The following MIOS variants were observed in gnomAD, a reference collection of about 807,000 sequenced individuals.
The protein encoded by MIOS is meiosis regulator for oocyte development, also known as GATOR2 complex protein MIOS.
Under a neutral mutation model 96.9 loss-of-function variants are expected in MIOS, and 52 were observed. That is an observed-to-expected ratio of 0.54 (90% CI 0.43 to 0.68). MIOS has a LOEUF of 0.68. Ranked by LOEUF, MIOS falls within the 30% of genes least tolerant of loss-of-function variation. MIOS has a pLI of 0.00. For synonymous variants in MIOS, 397 were observed against 359.5 expected (o/e 1.10, Z -1.18); for missense variants, 1,005 against 1,052.8 (o/e 0.95, Z 0.63).
chr7:7,594,636 C>T (rs550792837), intron 9 of MIOS, among the ~76,000 whole-genome samples: 1 of 152,090 alleles, frequency 6.6e-6, no homozygotes, highest in Non-Finnish European at 1.5e-5. Flanking sequence ...GTTTGTGAAC[C>T]CAGAGGTTTT....
At chr7:7,599,811 G>C (rs528325239) in intron 11 of MIOS, among the ~76,000 whole-genome samples, 2 of 152,160 alleles carry the variant, frequency 1.3e-5, no homozygotes, top group African/African-American at 4.8e-5. Flanking sequence ...GCCCATCAGT[G>C]GTGGACTGGA....
intron 11 of MIOS, among the ~76,000 whole-genome samples, chr7:7,600,522 C>G (rs146647625): frequency 0.1 from 15,424 of 152,190 alleles, 859 homozygotes; most frequent in Middle Eastern, 0.23. Flanking sequence ...ACTAACTATC[C>G]TAAATATATA....
chr7:7,602,985 A>G (rs1784423459), intron 11 of MIOS, among the ~76,000 whole-genome samples: 1 of 151,976 alleles, frequency 6.6e-6, no homozygotes, highest in Non-Finnish European at 1.5e-5. Flanking sequence ...TTCCCTATTT[A>G]ATAAATGGTG....
intron 10 of MIOS, 70 bp downstream of exon 10, chr7:7,595,202 C>A: frequency 6.6e-7 from 1 of 1,507,378 alleles, no homozygotes; most frequent in Non-Finnish European, 8.9e-7. Flanking sequence ...TTACTATTAG[C>A]TCATTATTTT....
chr7:7,602,822 C>T (rs562028988), intron 11 of MIOS, among the ~76,000 whole-genome samples: 1,524 of 152,198 alleles, frequency 0.01, 19 homozygotes, highest in African/African-American at 0.036. Context: ...TCAAACTATA[C>T]TACAAGGCTA....
intron 5 of MIOS, among the ~76,000 whole-genome samples, chr7:7,581,255 C>G (rs1374775078): frequency 6.7e-6 from 1 of 149,158 alleles, no homozygotes; most frequent in African/African-American, 2.5e-5. Flanking sequence ...GAGCTGAGAT[C>G]GTGTGCCATT....
In MIOS at chr7:7,596,406, TC is replaced by T; in HGVS notation, c.2348del (p.Pro783LeufsTer29). 6.2e-7 allele frequency: 1 copy of T among 1,614,178 alleles called. No individual in the cohort carries two copies. Among genetic ancestry groups the T allele is most frequent in the Non-Finnish European group, 8.5e-7 (1 of 1,180,036 alleles). On this transcript the variant is annotated frameshift_variant, in exon 11 of 13. Coordinates refer to ENST00000340080, the MANE Select transcript of MIOS (RefSeq NM_019005.4). ...GTTGTCCTGGCTGTCGAAAACCACT[TC>T]CTCGATGTGCGCTTTGTCTCATTAA... is the stretch of plus-strand genomic sequence containing the variant. ...TSCPGCRKPL[P>X]RCALCLINMG...
chr7:7,587,512 T>A (rs968315172), intron 7 of MIOS, among the ~76,000 whole-genome samples: 1 of 152,182 alleles, frequency 6.6e-6, no homozygotes, highest in Non-Finnish European at 1.5e-5. Flanking sequence ...AGTCGGAAAA[T>A]ACAGGCCTGA....
intron 8 of MIOS, 24 bp from the exon 9 acceptor site, chr7:7,589,380 AG>A: frequency 6.2e-7 from 1 of 1,606,958 alleles, no homozygotes; most frequent in Non-Finnish European, 8.5e-7. Context: ...AGATTGCTTT[AG>A]AAAAATCACT....
Position 7,605,916 on chromosome 7 carries a change from A to G in MIOS, c.2402-26A>G, listed in dbSNP as rs370974257. On this transcript the variant is annotated intron_variant, in intron 11 of 12. Coordinates refer to ENST00000340080, the MANE Select transcript of MIOS (RefSeq NM_019005.4). ...TAAATAAAATATTATGATATAGTTA[A>G]TGAAGATCATTTTATTTTGTCATAG... is the stretch of plus-strand genomic sequence containing the variant. 310 of 1,601,562 alleles carry G rather than the reference A, an allele frequency of 1.9e-4. 1 individual carries two copies. Among genetic ancestry groups the G allele is most frequent in the East Asian group, 1.6e-4 (7 of 44,614 alleles).
intron 9 of MIOS, among the ~76,000 whole-genome samples, chr7:7,594,418 C>T (rs1784143909): frequency 6.6e-6 from 1 of 152,044 alleles, no homozygotes; most frequent in Non-Finnish European, 1.5e-5. Flanking sequence ...CATCAACCTC[C>T]CAAGTAACTA....
At chr7:7,569,539 G>A (rs949207248) in intron 3 of MIOS, among the ~76,000 whole-genome samples, 4 of 152,188 alleles carry the variant, frequency 2.6e-5, no homozygotes, top group African/African-American at 9.7e-5. Context: ...AAGTGTCAGA[G>A]GGATCATTCA....
At chr7:7,603,443 C>CA (rs1375428444) in intron 11 of MIOS, among the ~76,000 whole-genome samples, 3 of 152,050 alleles carry the variant, frequency 2.0e-5, no homozygotes, top group Non-Finnish European at 4.4e-5. Context: ...TTTATGCAGC[C>CA]AAAAAACACG....
chr7:7,605,296 G>C (rs1440957526), intron 11 of MIOS: 2 of 108,258 alleles, frequency 1.8e-5, no homozygotes, highest in Non-Finnish European at 4.1e-5. Flanking sequence ...TCCCTTGATA[G>C]ATTTTTTTTT....
At chr7:7,579,942 C>T (rs1783659253) in intron 5 of MIOS, among the ~76,000 whole-genome samples, 1 of 152,120 alleles carries the variant, frequency 6.6e-6, no homozygotes, top group African/African-American at 2.4e-5. Flanking sequence ...CTATTCTGTT[C>T]CATGACATGA....
At chr7:7,579,035 A>G (rs551975215) in intron 5 of MIOS, among the ~76,000 whole-genome samples, 1 of 152,324 alleles carries the variant, frequency 6.6e-6, no homozygotes. Flanking sequence ...TAATGTTTAA[A>G]TAAACTTGTT....
chr7:7,590,164 A>G (rs571567774), intron 9 of MIOS, among the ~76,000 whole-genome samples: 1 of 152,094 alleles, frequency 6.6e-6, no homozygotes, highest in South Asian at 2.1e-4. Context: ...TGATGTTGGT[A>G]CCCTCCTCTT....
In MIOS at chr7:7,608,525, A is replaced by G. The variant is rs1784588987; in HGVS notation, c.*1433A>G. On this transcript the variant is annotated 3_prime_UTR_variant, in exon 13 of 13. Coordinates refer to ENST00000340080, the MANE Select transcript of MIOS (RefSeq NM_019005.4). ...TATTTACTCTAAATGTCTCACCTGC[A>G]TGACAGTCTTTTCAAATGAAAGACA... is the stretch of plus-strand genomic sequence containing the variant. 1 of 152,016 alleles carries G rather than the reference A, an allele frequency of 6.6e-6. No homozygotes were observed. Among genetic ancestry groups the G allele is most frequent in the Admixed American group, 6.6e-5 (1 of 15,232 alleles). The allele number at this position is 152,016 out of a possible 1,614,324, so 9.4% of individuals were successfully genotyped here. A position where few individuals can be genotyped will look rare whatever the true frequency, so the allele number is the denominator to read the frequency against.
At position 7,605,939 on chromosome 7, in the gene MIOS, T is replaced by A; in HGVS notation, c.2402-3T>A. The A allele has an allele frequency of 2.5e-6, 4 of 1,612,892 alleles. No individual in the cohort carries two copies. Among genetic ancestry groups the A allele is most frequent in the Non-Finnish European group, 3.4e-6 (4 of 1,179,146 alleles). On this transcript the variant is annotated splice_polypyrimidine_tract_variant and splice_region_variant and intron_variant, in intron 11 of 12. Coordinates refer to ENST00000340080, the MANE Select transcript of MIOS (RefSeq NM_019005.4). The stretch of plus-strand genomic sequence containing the variant: ...TAATGAAGATCATTTTATTTTGTCA[T>A]AGGAGGAACCAAATCAGATGAAAAA...
Sources: allele counts gnomAD v4.1 joint callset (sites outside exome capture counted in the v4.1 genomes callset), GRCh38; gene constraint gnomAD v4.1.1; transcripts MANE v1.5; gene names NCBI Gene and HGNC (gene_info 2026-07-23, HGNC 2026-07-21).